Variants in KYNU observed in about 807,000 individuals in gnomAD.
The protein encoded by KYNU is kynureninase.
KYNU carries 54 observed loss-of-function variants against 59.2 expected under a neutral mutation model. The ratio of observed to expected loss-of-function variants is 0.91; its 90% CI spans 0.73 to 1.14. The LOEUF (loss-of-function observed/expected upper bound fraction) is 1.14, where lower values mean the gene tolerates loss of function less well. Ranked by LOEUF, KYNU falls within the 50% of genes most tolerant of loss-of-function variation. KYNU has a pLI of 0.00. For missense variants in KYNU, 567 were observed against 554.4 expected (o/e 1.02, Z -0.23); for synonymous variants, 177 against 192.0 (o/e 0.92, Z 0.65).
chr2:142,877,898 G>A (rs989103319), intron 1 of KYNU, among the ~76,000 whole-genome samples, 162 bp downstream of exon 1: 4 of 151,966 alleles, frequency 2.6e-5, no homozygotes, highest in African/African-American at 9.7e-5. Flanking sequence ...AATAAAAATG[G>A]TATGACCTTC....
rs1421198784 is a variant in KYNU at position 143,055,643 on chromosome 2, GA to G, written c.*13473del. On this transcript the variant is annotated 3_prime_UTR_variant, in exon 14 of 14. Transcript: ENST00000264170. ...TAGTCATCTTACCACAGGAAGGAAG[GA>G]AGGAAGGAAGGAAGGAAGGAAGGAA... 8.7e-3 allele frequency: 1,282 copies of G among 147,516 alleles called. 19 individuals are homozygous for G. Among genetic ancestry groups the G allele is most frequent in the African/African-American group, 0.032 (1,225 of 38,472 alleles). 9.1% of individuals were successfully genotyped at this position (147,516 alleles called of 1,614,324 possible). A position where few individuals can be genotyped will look rare whatever the true frequency, so the allele number is the denominator to read the frequency against.
At chr2:142,962,860 C>T (rs968509391) in intron 8 of KYNU, among the ~76,000 whole-genome samples, 1 of 152,000 alleles carries the variant, frequency 6.6e-6, no homozygotes, top group African/African-American at 2.4e-5. Context: ...ATGTAGACTT[C>T]GATAGGTCTC....
chr2:143,041,955 T>C, intron 13 of KYNU, 92 bp from the exon 14 acceptor site: 3 of 1,336,402 alleles, frequency 2.2e-6, no homozygotes, highest in Admixed American at 1.8e-5. Context: ...GGGAAATCAT[T>C]ATGAAAGTGC....
At chr2:142,895,205 A>T (rs1681828318) in intron 2 of KYNU, among the ~76,000 whole-genome samples, 1 of 152,168 alleles carries the variant, frequency 6.6e-6, no homozygotes, top group Non-Finnish European at 1.5e-5. Context: ...ACATGTATAG[A>T]ATTATATTAA....
intron 10 of KYNU, among the ~76,000 whole-genome samples, chr2:143,006,467 C>G (rs973944321): frequency 6.9e-6 from 1 of 144,546 alleles, no homozygotes; most frequent in Non-Finnish European, 1.5e-5. Context: ...AAGGTGGCAG[C>G]GAGGCTGGGG....
At chr2:142,891,913 T>C (rs1681727042) in intron 2 of KYNU, among the ~76,000 whole-genome samples, 2 of 138,156 alleles carry the variant, frequency 1.4e-5, no homozygotes, top group African/African-American at 2.6e-5. Context: ...TTTGTAGACA[T>C]TGAGACTTTT....
Position 142,885,458 on chromosome 2 carries a change from C to G in KYNU, c.91C>G (p.Leu31Val). 1.2e-6 allele frequency: 2 copies of G among 1,613,866 alleles called. No individual in the cohort carries two copies. Among genetic ancestry groups the G allele is most frequent in the African/African-American group, 1.3e-5 (1 of 75,022 alleles). The change falls in exon 2 of 14, where the codon CTC becomes GTC. Residue 31 changes from leucine to valine, a missense_variant. Coordinates refer to ENST00000264170, the MANE Select transcript of KYNU (RefSeq NM_003937.3). Reference sequence around the variant, plus strand: ...CCACCCAACGGATGAGAGGGTGGCTCTCCACCTAGATGAGGAAGATAAGCT... The same window carrying G: ...CCACCCAACGGATGAGAGGGTGGCTGTCCACCTAGATGAGGAAGATAAGCT... ...KCHPTDERVA[L>V]HLDEEDKLRH...
At chr2:142,943,090 G>A (rs1413809040) in intron 4 of KYNU, among the ~76,000 whole-genome samples, 13 of 152,100 alleles carry the variant, frequency 8.5e-5, no homozygotes, top group Non-Finnish European at 1.9e-4. Context: ...CTATCTTTTG[G>A]GAGACTGTCT....
rs953977434 is a variant in KYNU at position 143,044,288 on chromosome 2, A to G, written c.*2116A>G. 2.0e-5 allele frequency: 3 copies of G among 152,330 alleles called. No individual in the cohort carries two copies. Among genetic ancestry groups the G allele is most frequent in the Admixed American group, 6.5e-5 (1 of 15,304 alleles). 9.4% of individuals were successfully genotyped at this position (152,330 alleles called of 1,614,324 possible). ...CTTCGCTATTGTGAATAGTGCTGCA[A>G]TGAACATATGTGTGCATGTGTCTTT... On this transcript the variant is annotated 3_prime_UTR_variant, in exon 14 of 14. Coordinates refer to ENST00000264170, the MANE Select transcript of KYNU (RefSeq NM_003937.3).
At chr2:142,964,018 T>G (rs1684440956) in intron 8 of KYNU, among the ~76,000 whole-genome samples, 1 of 152,148 alleles carries the variant, frequency 6.6e-6, no homozygotes, top group Non-Finnish European at 1.5e-5. Flanking sequence ...TTTGGGATTT[T>G]AGATGCTCAT....
At chr2:143,035,709 C>T (rs1265297826) in intron 12 of KYNU, among the ~76,000 whole-genome samples, 1 of 152,190 alleles carries the variant, frequency 6.6e-6, no homozygotes, top group Admixed American at 6.5e-5. Context: ...CTCCTGCCCC[C>T]ACCTTCCAGG....
chr2:142,943,912 T>C (rs1387733365), intron 4 of KYNU, among the ~76,000 whole-genome samples: 3 of 152,186 alleles, frequency 2.0e-5, no homozygotes, highest in African/African-American at 4.8e-5. Flanking sequence ...TAATAAAATA[T>C]ACAGAACATT....
chr2:142,920,822 G>A (rs374191465), intron 3 of KYNU, among the ~76,000 whole-genome samples: 88 of 152,198 alleles, frequency 5.8e-4, no homozygotes, highest in African/African-American at 2.0e-3. Flanking sequence ...TCATGGACCC[G>A]CCCATAAATG....
intron 6 of KYNU, 116 bp from the exon 7 acceptor site, chr2:142,957,525 C>T (rs1345203902): frequency 2.9e-6 from 2 of 693,818 alleles, no homozygotes; most frequent in Non-Finnish European, 5.1e-6. Flanking sequence ...GTGTTTTAAC[C>T]TTCACCTTGG....
chr2:143,034,574 G>A (rs1686840058), intron 12 of KYNU, among the ~76,000 whole-genome samples: 2 of 152,108 alleles, frequency 1.3e-5, no homozygotes, highest in Admixed American at 1.3e-4. Context: ...ACCACTAGAT[G>A]GAGCTTGTGT....
At chr2:142,922,576 A>G (rs892436909) in intron 3 of KYNU, among the ~76,000 whole-genome samples, 1 of 152,218 alleles carries the variant, frequency 6.6e-6, no homozygotes, top group Admixed American at 6.5e-5. Context: ...TTACACAGGC[A>G]TATAGATGTC....
chr2:143,035,004 T>G (rs1466540491), intron 12 of KYNU, among the ~76,000 whole-genome samples: 1 of 152,224 alleles, frequency 6.6e-6, no homozygotes, highest in Non-Finnish European at 1.5e-5. Flanking sequence ...CCTTCTCTTG[T>G]GGGAAAGGAA....
chr2:142,989,631 A>G lies in KYNU; in HGVS notation c.902+3610A>G, dbSNP rs549266922. The G allele has an allele frequency of 3.9e-5, 15 of 387,032 alleles. 1 individual carries two copies. In the South Asian group the frequency reaches 1.4e-3, roughly 36 times the overall value. 24.0% of individuals were successfully genotyped at this position (387,032 alleles called of 1,614,324 possible). A position where few individuals can be genotyped will look rare whatever the true frequency, so the allele number is the denominator to read the frequency against. On this transcript the variant is annotated intron_variant, in intron 10 of 13. Coordinates refer to ENST00000264170, the MANE Select transcript of KYNU (RefSeq NM_003937.3). ...TGTTCTTCTTTTTGACAATTTGACT[A>G]TATGTTGATAGTGCAATAATTGTGC...
At position 142,956,350 on chromosome 2, in the gene KYNU, G is replaced by T. The variant is rs1392461188; in HGVS notation, c.507+76G>T. On this transcript the variant is annotated intron_variant, in intron 6 of 13. Coordinates refer to ENST00000264170, the MANE Select transcript of KYNU (RefSeq NM_003937.3). The stretch of plus-strand genomic sequence containing the variant: ...AGTGTATCATTTGCCTGACTTGAAT[G>T]TTTACTCACTAGGCTTTTCCAAGCA... 1.3e-5 allele frequency: 12 copies of T among 901,028 alleles called. No individual in the cohort carries two copies. In the South Asian group the frequency reaches 1.7e-4, roughly 13 times the overall value. The allele number at this position is 901,028 out of a possible 1,614,324, so 55.8% of individuals were successfully genotyped here.
Sources: allele counts gnomAD v4.1 joint callset (sites outside exome capture counted in the v4.1 genomes callset), GRCh38; gene constraint gnomAD v4.1.1; transcripts MANE v1.5; gene names NCBI Gene and HGNC (gene_info 2026-07-23, HGNC 2026-07-21).